The following PPP1R16B variants were observed in gnomAD, a reference collection of about 807,000 sequenced individuals.
PPP1R16B encodes the protein protein phosphatase 1 regulatory subunit 16B.
PPP1R16B carries 14 observed loss-of-function variants against 61.7 expected under a neutral mutation model. The observed-to-expected ratio is 0.23, with a 90% CI of 0.15 to 0.35. The LOEUF is 0.35. Ranked by LOEUF, PPP1R16B falls within the 10% of genes least tolerant of loss-of-function variation. The pLI is 1.00. For synonymous variants in PPP1R16B, 266 were observed against 305.3 expected, an observed-to-expected ratio of 0.87 and a Z score of 1.34; for missense variants, 547 against 752.5, an observed-to-expected ratio of 0.73 and a Z score of 3.19.
At chr20:38,816,087 GAA>G (rs113433665) in intron 1 of PPP1R16B, among the ~76,000 whole-genome samples, 1 of 145,324 alleles carries the variant, frequency 6.9e-6, no homozygotes, top group African/African-American at 2.5e-5. Flanking sequence ...GAAGCAAAAA[GAA>G]AAAAAAAAAT....
intron 2 of PPP1R16B, among the ~76,000 whole-genome samples, chr20:38,837,363 T>C (rs1157294480): frequency 6.6e-6 from 1 of 152,176 alleles, no homozygotes; most frequent in Non-Finnish European, 1.5e-5. Flanking sequence ...ATTACTGTTT[T>C]ATTTTATTAT....
rs920441859 is a variant in PPP1R16B, at chr20:38,908,023, C to T, written c.1029-5C>T. The T allele has an allele frequency of 1.9e-6, 3 of 1,614,058 alleles. No homozygotes were observed. Among genetic ancestry groups the T allele is most frequent in the East Asian group, 4.5e-5 (2 of 44,890 alleles). On this transcript the variant is annotated splice_region_variant and splice_polypyrimidine_tract_variant and intron_variant, in intron 9 of 10. Transcript: ENST00000299824. ...CAGCCTCTAGGACCCACTTTGTCCT[C>T]TCAGGAAGGTGGTGCGGCGAGCCAG... is the stretch of plus-strand genomic sequence containing the variant.
At chr20:38,833,055 A>T (rs1250842090) in intron 1 of PPP1R16B, among the ~76,000 whole-genome samples, 1 of 152,218 alleles carries the variant, frequency 6.6e-6, no homozygotes, top group Non-Finnish European at 1.5e-5. Context: ...AACGATGCAG[A>T]TGTTCCTCAA....
At chr20:38,853,036 T>G (rs2084980149) in intron 2 of PPP1R16B, among the ~76,000 whole-genome samples, 1 of 152,096 alleles carries the variant, frequency 6.6e-6, no homozygotes, top group Non-Finnish European at 1.5e-5. Flanking sequence ...TCTCCCAAAG[T>G]GCTGGAATTA....
At chr20:38,863,039 T>C (rs922628882) in intron 2 of PPP1R16B, among the ~76,000 whole-genome samples, 9 of 152,128 alleles carry the variant, frequency 5.9e-5, no homozygotes, top group African/African-American at 2.2e-4. Context: ...TTGGAGACCA[T>C]CGTGGTGCTG....
chr20:38,874,906 A>G (rs959988148), intron 2 of PPP1R16B, among the ~76,000 whole-genome samples: 3 of 152,112 alleles, frequency 2.0e-5, no homozygotes, highest in African/African-American at 7.2e-5. Flanking sequence ...CCTGCCTCAC[A>G]TTTGCCTTGG....
intron 4 of PPP1R16B, among the ~76,000 whole-genome samples, chr20:38,896,551 T>C (rs911021739): frequency 5.3e-5 from 8 of 152,098 alleles, no homozygotes; most frequent in Non-Finnish European, 1.0e-4. Context: ...CCAGTCTCTT[T>C]TTATTTTCTC....
At chr20:38,862,027 C>T (rs185810463) in intron 2 of PPP1R16B, among the ~76,000 whole-genome samples, 2 of 152,312 alleles carry the variant, frequency 1.3e-5, no homozygotes, top group Non-Finnish European at 2.9e-5. Flanking sequence ...GAGGCTGACA[C>T]CAGCCCTGAC....
intron 1 of PPP1R16B, among the ~76,000 whole-genome samples, chr20:38,815,549 G>C (rs1018295710): frequency 6.6e-6 from 1 of 152,230 alleles, no homozygotes; most frequent in Admixed American, 6.5e-5. Flanking sequence ...ATTCCTGGCA[G>C]TTTCAACTGT....
chr20:38,904,166 G>T (rs1435726641), intron 6 of PPP1R16B, among the ~76,000 whole-genome samples: 1 of 152,192 alleles, frequency 6.6e-6, no homozygotes, highest in Non-Finnish European at 1.5e-5. Flanking sequence ...TCAAGAATGG[G>T]GTCAGGTAGG....
At position 38,853,544 on chromosome 20, in the gene PPP1R16B, T is replaced by A. The variant is rs954302323; in HGVS notation, c.250+17369T>A. 3.3e-5 allele frequency among the ~76,000 whole-genome samples: 5 copies of A among 152,214 alleles called. No homozygotes were observed. In the East Asian group the frequency reaches 9.6e-4, roughly 29 times the overall value. On this transcript the variant is annotated intron_variant, in intron 2 of 10. Transcript: ENST00000299824. ...TTTGGCTTAAGGACCCCAAATTTCC[T>A]GGGCACCACAAAAGTAGTAACGGCA...
At chr20:38,902,878 G>A in intron 6 of PPP1R16B, 86 bp downstream of exon 6, 1 of 1,580,182 alleles carries the variant, frequency 6.3e-7, no homozygotes, top group Non-Finnish European at 8.6e-7. Context: ...TGTACCCTTG[G>A]GGCCTGTCTG....
intron 2 of PPP1R16B, among the ~76,000 whole-genome samples, chr20:38,866,162 A>G (rs894364334): frequency 1.3e-5 from 2 of 152,048 alleles, no homozygotes. Flanking sequence ...AATAAATAAT[A>G]AAAATTCGAG....
chr20:38,905,924 G>A, intron 6 of PPP1R16B, 45 bp from the exon 7 acceptor site: 1 of 1,590,008 alleles, frequency 6.3e-7, no homozygotes, highest in South Asian at 1.1e-5. Flanking sequence ...CCGTCAATGT[G>A]GGGCTGATCC....
rs1197867877 is a variant in PPP1R16B, at chr20:38,922,496, A to C, written c.*3830A>C. The C allele has an allele frequency of 6.6e-6, 1 of 152,618 alleles. No homozygotes were observed. The highest frequency in any genetic ancestry group is 1.5e-5 in the Non-Finnish European group (1 of 68,052). The allele number at this position is 152,618 out of a possible 1,614,324, so 9.5% of individuals were successfully genotyped here. A position where few individuals can be genotyped will look rare whatever the true frequency, so the allele number is the denominator to read the frequency against. ...GAGCAAAGGCTCCAATGGTCAGTGG[A>C]TGACTCTGCAAAAGTGACCCCCTGT... On this transcript the variant is annotated 3_prime_UTR_variant, in exon 11 of 11. Coordinates refer to ENST00000299824, the MANE Select transcript of PPP1R16B (RefSeq NM_015568.4).
rs539503641 is a variant in PPP1R16B, at chr20:38,847,405, G to A, written c.250+11230G>A. Among the ~76,000 whole-genome samples the A allele has an allele frequency of 4.6e-5, 7 of 152,278 alleles. No individual in the cohort carries two copies. The East Asian group carries it at 1.2e-3, about 25-fold the overall frequency. On this transcript the variant is annotated intron_variant, in intron 2 of 10. Transcript: ENST00000299824. Reference sequence around the variant, plus strand: ...CGGAGTCTCACTCTGTCCCCAGGCTGGAGTGCAGTGGCACAATCTTGGCTC... The same window carrying A: ...CGGAGTCTCACTCTGTCCCCAGGCTAGAGTGCAGTGGCACAATCTTGGCTC...
intron 1 of PPP1R16B, among the ~76,000 whole-genome samples, chr20:38,830,508 A>G (rs1177922541): frequency 6.6e-6 from 1 of 152,236 alleles, no homozygotes; most frequent in Non-Finnish European, 1.5e-5. Flanking sequence ...TATCACAACC[A>G]TAAACAAACA....
intron 1 of PPP1R16B, among the ~76,000 whole-genome samples, chr20:38,829,915 AGGTGGGAGG>A (rs2084826728): frequency 6.6e-6 from 1 of 152,234 alleles, no homozygotes; most frequent in African/African-American, 2.4e-5. Flanking sequence ...CAGAGGGGCA[AGGTGGGAGG>A]GGCTCGCGGG....
At position 38,876,039 on chromosome 20, in the gene PPP1R16B, T is replaced by C. The variant is rs899955835; in HGVS notation, c.251-13556T>C. ...CCCAGGCTGGAGTGCAATGGTGGGA[T>C]CTTAACTCACTGCAACTCCGCCTCC... On this transcript the variant is annotated intron_variant, in intron 2 of 10. Transcript: ENST00000299824. Among the ~76,000 whole-genome samples the C allele has an allele frequency of 1.5e-4, 22 of 145,272 alleles. 1 individual carries two copies. Among genetic ancestry groups the C allele is most frequent in the Non-Finnish European group, 2.7e-4 (18 of 67,178 alleles).
Sources: allele counts gnomAD v4.1 joint callset (sites outside exome capture counted in the v4.1 genomes callset), GRCh38; gene constraint gnomAD v4.1.1; transcripts MANE v1.5; gene names NCBI Gene and HGNC (gene_info 2026-07-23, HGNC 2026-07-21).